The following PCAT6 variants were observed in gnomAD, a reference collection of about 807,000 sequenced individuals.
PCAT6 encodes KDM5B antisense RNA 1 (head to head).
At chr1:202,811,468 G>GT (rs1658549913) in exon 1 of PCAT6, 1 of 398,354 alleles carries the variant, frequency 2.5e-6, no homozygotes, top group Non-Finnish European at 4.4e-6. Flanking sequence ...CTGGGACCGG[G>GT]TTCTGGGATG....
chr1:202,811,129 C>G (rs1343042802), exon 1 of PCAT6: 11 of 394,232 alleles, frequency 2.8e-5, no homozygotes, highest in Non-Finnish European at 8.9e-6. Context: ...CAGGAACCCC[C>G]TCCTTACTCT....
At chr1:202,811,193 G>C (rs896695554) in exon 1 of PCAT6, 1 of 396,108 alleles carries the variant, frequency 2.5e-6, no homozygotes, top group Non-Finnish European at 4.4e-6. Flanking sequence ...GCCCTCATTT[G>C]TGCAGCGCCA....
exon 1 of PCAT6, chr1:202,811,722 G>A (rs963235012): frequency 3.2e-5 from 9 of 281,712 alleles, no homozygotes; most frequent in African/African-American, 1.5e-4. Context: ...CGTCCTCTGC[G>A]CAGTCCATCT....
chr1:202,811,413 G>A, exon 1 of PCAT6: 1 of 398,680 alleles, frequency 2.5e-6, no homozygotes, highest in Non-Finnish European at 4.4e-6. Flanking sequence ...TGCAAACTTG[G>A]GGGGACTTCC....
At chr1:202,811,748 A>C in exon 1 of PCAT6, 1 of 153,360 alleles carries the variant, frequency 6.5e-6, no homozygotes, top group Non-Finnish European at 1.3e-5. Context: ...CATCTCTCCA[A>C]TTCAATGCCA....
exon 1 of PCAT6, chr1:202,811,868 C>T (rs912990291): frequency 1.3e-5 from 2 of 155,966 alleles, no homozygotes; most frequent in East Asian, 1.8e-4. Context: ...TTGTGTAGTC[C>T]TACAACGTCT....
At chr1:202,811,021 A>G in exon 1 of PCAT6, 1 of 285,678 alleles carries the variant, frequency 3.5e-6, no homozygotes, top group Non-Finnish European at 6.5e-6. Flanking sequence ...GCTGGGTGCG[A>G]GGCCTAGGCG....
exon 1 of PCAT6, chr1:202,811,640 A>G (rs770042799): frequency 1.1e-5 from 4 of 378,566 alleles, no homozygotes; most frequent in East Asian, 7.6e-5. Context: ...TCGTGCTTCT[A>G]CCACCACCCT....
exon 1 of PCAT6, chr1:202,811,788 TG>T: frequency 5.2e-6 from 1 of 191,100 alleles, no homozygotes; most frequent in Non-Finnish European, 1.1e-5. Context: ...CTCGGTGCCC[TG>T]GAATGTTTGC....
chr1:202,811,293 C>A (rs1296658581), exon 1 of PCAT6: 2 of 399,276 alleles, frequency 5.0e-6, no homozygotes, highest in Admixed American at 4.4e-5. Context: ...CCCCACTTTC[C>A]AGCCTGCGCC....
At chr1:202,811,581 A>G in exon 1 of PCAT6, 1 of 391,708 alleles carries the variant, frequency 2.6e-6, no homozygotes, top group Non-Finnish European at 4.5e-6. Flanking sequence ...TCAGGGCTCC[A>G]GGTGTCCGTG....
At chr1:202,811,556 G>A (rs1333896994) in exon 1 of PCAT6, 10 of 394,214 alleles carry the variant, frequency 2.5e-5, no homozygotes, top group Non-Finnish European at 3.6e-5. Flanking sequence ...CCCCCTCGCC[G>A]CCTCTGACAA....
chr1:202,811,743 C>T, exon 1 of PCAT6: 1 of 250,174 alleles, frequency 4.0e-6, no homozygotes, highest in Non-Finnish European at 7.5e-6. Context: ...CAGCTCATCT[C>T]TCCAATTCAA....
exon 1 of PCAT6, chr1:202,811,292 C>T (rs1342601768): frequency 7.5e-6 from 3 of 399,286 alleles, no homozygotes; most frequent in Non-Finnish European, 8.8e-6. Flanking sequence ...ACCCCACTTT[C>T]CAGCCTGCGC....
At chr1:202,811,171 G>A in exon 1 of PCAT6, 1 of 397,306 alleles carries the variant, frequency 2.5e-6, no homozygotes, top group Non-Finnish European at 4.4e-6. Flanking sequence ...CCGGGCCTCC[G>A]TCCCCCAAAC....
Position 202,811,170 on chromosome 1 carries a change from C to T in PCAT6, n.288C>T, listed in dbSNP as rs111633511. On this transcript the variant is annotated non_coding_transcript_exon_variant, in exon 1 of 1. Transcript: ENST00000686658. ...AACACTCCGCCCCCGCCCGGGCCTC[C>T]GTCCCCCAAACCGCCCTCATTTGTG... 1,987 of 397,580 alleles carry T rather than the reference C, an allele frequency of 5.0e-3. 44 individuals carry two copies. Among genetic ancestry groups the T allele is most frequent in the African/African-American group, 0.037 (1,816 of 48,770 alleles). The allele number at this position is 397,580 out of a possible 1,614,324, so 24.6% of individuals were successfully genotyped here.
At chr1:202,811,236 C>T (rs1174253268) in exon 1 of PCAT6, 1 of 398,856 alleles carries the variant, frequency 2.5e-6, no homozygotes, top group Non-Finnish European at 4.4e-6. Context: ...GTGTCTCCAT[C>T]CTCATTCGGT....
chr1:202,811,406 A>C, exon 1 of PCAT6: 1 of 398,604 alleles, frequency 2.5e-6, no homozygotes, highest in Non-Finnish European at 4.4e-6. Context: ...GCCGGGTTGC[A>C]AACTTGGGGG....
At chr1:202,811,010 G>T (rs1426946602) in exon 1 of PCAT6, 1 of 268,038 alleles carries the variant, frequency 3.7e-6, no homozygotes, top group Non-Finnish European at 7.0e-6. Flanking sequence ...GCTCCCAGAG[G>T]GCTGGGTGCG....
Sources: allele counts gnomAD v4.1 joint callset, GRCh38; gene constraint gnomAD v4.1.1; transcripts MANE v1.5; gene names NCBI Gene and HGNC (gene_info 2026-07-23, HGNC 2026-07-21).